The following ANK2 variants were observed in gnomAD, a reference collection of about 807,000 sequenced individuals.
ANK2 encodes the protein ankyrin 2, also known as ankyrin-2.
Under a neutral mutation model 360.5 loss-of-function variants are expected in ANK2, and 83 were observed. The observed-to-expected ratio is 0.23, with a 90% confidence interval of 0.19 to 0.28. ANK2 has a LOEUF of 0.28. ANK2 is among the 10% of genes least tolerant of loss of function. The pLI is 1.00. For missense variants in ANK2, 4,201 were observed against 4,795.7 expected (o/e 0.88, Z 3.66); for synonymous variants, 1,740 against 1,759.5 (o/e 0.99, Z 0.28).
intron 1 of ANK2, among the ~76,000 whole-genome samples, chr4:113,070,931 T>C (rs1185934335): frequency 6.6e-6 from 1 of 151,902 alleles, no homozygotes; most frequent in Non-Finnish European, 1.5e-5. Context: ...AAATCCTTAG[T>C]ATCCATCATA....
In ANK2 at chr4:112,895,682, G is replaced by A. The variant is rs116286068; in HGVS notation, c.-39-8773G>A. ...ATACAATCATGCCAAGAAGCCAAAG[G>A]AACACTTTTAATTCATAAGCAACTT... On this transcript the variant is annotated intron_variant, in intron 1 of 30. Transcript: ENST00000503271. Among the ~76,000 whole-genome samples, 750 of 152,076 alleles carry A rather than the reference G, an allele frequency of 4.9e-3. 3 individuals carry two copies. Among genetic ancestry groups the A allele is most frequent in the African/African-American group, 0.017 (690 of 41,482 alleles).
intron 1 of ANK2, among the ~76,000 whole-genome samples, chr4:113,173,800 A>G (rs1168352144): frequency 6.6e-6 from 1 of 152,182 alleles, no homozygotes; most frequent in Non-Finnish European, 1.5e-5. Context: ...ATGTTTATCC[A>G]GAATCACTGG....
the ANK2 span, among the ~76,000 whole-genome samples, chr4:112,726,483 T>C: frequency 6.6e-6 from 1 of 152,172 alleles, no homozygotes; most frequent in Admixed American, 6.6e-5. Context: ...GTATTATTCT[T>C]CTTCCCACCC....
At chr4:113,289,220 T>A (rs183065339) in intron 20 of ANK2, among the ~76,000 whole-genome samples, 1 of 150,370 alleles carries the variant, frequency 6.7e-6, no homozygotes, top group Non-Finnish European at 1.5e-5. Flanking sequence ...TTTTTCTTTT[T>A]TTTTTTTTTT....
intron 2 of ANK2, among the ~76,000 whole-genome samples, chr4:112,948,558 T>A (rs2094716255): frequency 6.6e-6 from 1 of 151,980 alleles, no homozygotes; most frequent in South Asian, 2.1e-4. Context: ...AATGAAGGGG[T>A]TGCACACAGA....
chr4:113,050,684 C>T (rs1407088197), intron 1 of ANK2, among the ~76,000 whole-genome samples: 1 of 152,076 alleles, frequency 6.6e-6, no homozygotes. Flanking sequence ...GCATTTATTT[C>T]CTGGAGCAAT....
intron 1 of ANK2, among the ~76,000 whole-genome samples, chr4:112,873,623 G>A (rs1362251765): frequency 6.7e-6 from 1 of 148,890 alleles, no homozygotes; most frequent in Non-Finnish European, 1.5e-5. Context: ...TGCAAGCTCC[G>A]CCTCCCGGGT....
intron 1 of ANK2, among the ~76,000 whole-genome samples, chr4:112,871,200 T>A (rs1312531816): frequency 6.6e-6 from 1 of 152,088 alleles, no homozygotes; most frequent in African/African-American, 2.4e-5. Flanking sequence ...TTTTTTTTTT[T>A]TGTGAGATGG....
intron 2 of ANK2, among the ~76,000 whole-genome samples, chr4:113,026,645 A>G (rs544843529): frequency 3.3e-5 from 5 of 152,316 alleles, no homozygotes; most frequent in African/African-American, 1.2e-4. Context: ...AAAGGCTCAA[A>G]TGCTGAACTG....
In ANK2 at chr4:113,161,609, A is replaced by T. The variant is rs574767685; in HGVS notation, c.85-12807A>T. ...GGCCTCTCAGTTGTGCCCTGGTCTT[A>T]TGGGAAAAATAAGAAAATGTCAGCT... On this transcript the variant is annotated intron_variant, in intron 1 of 45. Coordinates refer to ENST00000357077, the MANE Select transcript of ANK2 (RefSeq NM_001148.6). 4.1e-4 allele frequency among the ~76,000 whole-genome samples: 63 copies of T among 152,172 alleles called. 1 individual carries two copies. Among genetic ancestry groups the T allele is most frequent in the African/African-American group, 1.3e-3 (55 of 41,512 alleles).
At chr4:113,023,171 G>A (rs976982884) in intron 2 of ANK2, among the ~76,000 whole-genome samples, 3 of 152,212 alleles carry the variant, frequency 2.0e-5, no homozygotes, top group East Asian at 1.9e-4. Context: ...ATGAATGAGA[G>A]GGAAAACAGA....
rs2153689108 is a variant in ANK2, at chr4:113,274,631, C to T, written c.1665C>T (p.Ala555=). The change falls in exon 15 of 46, where the codon GCC becomes GCT. Residue 555 remains alanine, a synonymous_variant. Transcript: ENST00000357077. ...CAGTCCTATTGGAAGCAGGAGCAGC[C>T]CACTCCTTAGCTACCAAGGTAAGGA... The part of the protein sequence containing the change: ...VASVLLEAGA[A]HSLATKKGFT... The T allele has an allele frequency of 6.2e-7, 1 of 1,614,114 alleles. No homozygotes were observed. Among genetic ancestry groups the T allele is most frequent in the South Asian group, 1.1e-5 (1 of 91,064 alleles).
At position 113,174,488 on chromosome 4, in the gene ANK2, G is replaced by T. The variant is rs1328490060; in HGVS notation, c.157G>T (p.Gly53Trp). 4.3e-6 allele frequency: 7 copies of T among 1,612,702 alleles called. No individual in the cohort carries two copies. Among genetic ancestry groups the T allele is most frequent in the Middle Eastern group, 1.6e-4 (1 of 6,074 alleles). Residue 53 changes from glycine (G) to tryptophan (W), a missense_variant, in exon 2 of 46, where the codon GGG becomes TGG. By Grantham distance (184) the Gly-to-Trp change is radical. This residue lies in a region of ANK2 where 169 missense variants were observed against 191.1 expected (regional missense o/e 0.88). Coordinates refer to ENST00000357077, the MANE Select transcript of ANK2 (RefSeq NM_001148.6). ...GGACAAAGTTGTGGAATATCTGAAG[G>T]GGGGCATAGACATCAATACCTGCAA... ...NLDKVVEYLKGGIDINTCNQN... is the reference protein window; with the variant it reads ...NLDKVVEYLKWGIDINTCNQN...
At chr4:112,863,096 C>G (rs1468623464) in intron 1 of ANK2, among the ~76,000 whole-genome samples, 1 of 152,134 alleles carries the variant, frequency 6.6e-6, no homozygotes, top group Non-Finnish European at 1.5e-5. Flanking sequence ...GATTAGGAAA[C>G]TAACTTATTT....
chr4:113,291,715 A>G (rs1023297167), intron 20 of ANK2, among the ~76,000 whole-genome samples: 1 of 152,188 alleles, frequency 6.6e-6, no homozygotes, highest in Non-Finnish European at 1.5e-5. Context: ...TTTTATGAGA[A>G]GTGAAGCAGG....
chr4:112,756,448 A>G, the ANK2 span, among the ~76,000 whole-genome samples: 1 of 152,224 alleles, frequency 6.6e-6, no homozygotes, highest in East Asian at 1.9e-4. Flanking sequence ...ATACTGCTTT[A>G]TAACCCAAAA....
chr4:112,802,044 T>C, the ANK2 span, among the ~76,000 whole-genome samples: 1 of 152,100 alleles, frequency 6.6e-6, no homozygotes, highest in African/African-American at 2.4e-5. Context: ...ACTTTTGTTG[T>C]TATAGGATGT....
chr4:112,782,234 G>C, the ANK2 span, among the ~76,000 whole-genome samples: 1 of 152,064 alleles, frequency 6.6e-6, no homozygotes, highest in Non-Finnish European at 1.5e-5. Flanking sequence ...TTCTGGAAAG[G>C]GGATGGGAAT....
chr4:113,268,927 G>C (rs2057354633), intron 14 of ANK2, among the ~76,000 whole-genome samples: 1 of 152,262 alleles, frequency 6.6e-6, no homozygotes, highest in Admixed American at 6.5e-5. Context: ...TTTAGAACTT[G>C]TTATTGGTCT....
Sources: allele counts gnomAD v4.1 joint callset (sites outside exome capture counted in the v4.1 genomes callset), GRCh38; gene constraint gnomAD v4.1.1; regional missense constraint gnomAD v4.1.1; transcripts MANE v1.5; gene names NCBI Gene and HGNC (gene_info 2026-07-23, HGNC 2026-07-21).